The following STX7 variants were observed in gnomAD, a reference collection of about 807,000 sequenced individuals.
STX7 encodes syntaxin 7, also known as syntaxin-7.
STX7 carries 34 observed loss-of-function variants against 39.6 expected under a neutral mutation model. That is an observed-to-expected ratio of 0.86 (90% confidence interval 0.65 to 1.14). The LOEUF (loss-of-function observed/expected upper bound fraction) is 1.14, where lower values mean the gene tolerates loss of function less well. Ranked by LOEUF, STX7 falls within the 50% of genes most tolerant of loss-of-function variation. The pLI is 0.00. For synonymous variants in STX7, 119 were observed against 99.1 expected, an observed-to-expected ratio of 1.20 and a Z score of -1.19; for missense variants, 284 against 310.4, an observed-to-expected ratio of 0.92 and a Z score of 0.64.
chr6:132,494,747 T>C (rs1300683071), intron 2 of STX7, among the ~76,000 whole-genome samples: 1 of 152,202 alleles, frequency 6.6e-6, no homozygotes, highest in African/African-American at 2.4e-5. Flanking sequence ...TTGTGGGGCA[T>C]GGTGGGGATT....
rs755786190 is a variant in STX7, at chr6:132,464,003, G to A, written c.683C>T (p.Ala228Val). The A allele has an allele frequency of 1.2e-6, 2 of 1,614,016 alleles. No individual in the cohort carries two copies. Among genetic ancestry groups the A allele is most frequent in the South Asian group, 1.1e-5 (1 of 91,074 alleles). Residue 228 changes from alanine (A) to valine (V), a missense_variant, in exon 9 of 10, where the codon GCA becomes GTA. Transcript: ENST00000367941. ...QQANQQLSRA[A>V]DYQRKSRKTL... ...TCACAGTTAAATTACCTGATAATCTGCTGCCCTTGACAGCTGCTGATTTGC... is the reference window on the plus strand; with the variant it reads ...TCACAGTTAAATTACCTGATAATCTACTGCCCTTGACAGCTGCTGATTTGC...
At position 132,475,606 on chromosome 6, in the gene STX7, A is replaced by G. The variant is rs767103601; in HGVS notation, c.142T>C (p.Leu48=). 4.7e-5 allele frequency: 76 copies of G among 1,606,830 alleles called. No individual in the cohort carries two copies. The Middle Eastern group carries it at 1.2e-3, about 25-fold the overall frequency. ...CTAGATACTTACAACTGTTGCCTCA[A>G]TTCAGGTGAATCTTGAGGTGTTCCA... is the stretch of plus-strand genomic sequence containing the variant. The part of the protein sequence containing the change: ...QLGTPQDSPE[L]RQQLQQKQQY... The change falls in exon 3 of 10, where the codon TTG becomes CTG. Residue 48 remains leucine (L), a synonymous_variant. Transcript: ENST00000367941.
At chr6:132,491,168 G>A (rs1206083518) in intron 2 of STX7, among the ~76,000 whole-genome samples, 2 of 151,904 alleles carry the variant, frequency 1.3e-5, no homozygotes, top group Non-Finnish European at 2.9e-5. Context: ...TTTAAAATGT[G>A]GAAAAGAACA....
In STX7 at chr6:132,448,884, A is replaced by G. The variant is rs1774079768; in HGVS notation, c.*11874T>C. ...AGGTCTGTCAATTCGTTATTCCTTT[A>G]AAAGTGGATAAGTTATTCTGGCTGC... On this transcript the variant is annotated 3_prime_UTR_variant, in exon 10 of 10. Coordinates refer to ENST00000367941, the MANE Select transcript of STX7 (RefSeq NM_003569.3). 1 of 149,802 alleles carries G rather than the reference A, an allele frequency of 6.7e-6. No homozygotes were observed. The highest frequency in any genetic ancestry group is 1.5e-5 in the Non-Finnish European group (1 of 67,622). 9.3% of individuals were successfully genotyped at this position (149,802 alleles called of 1,614,324 possible).
chr6:132,485,690 T>A (rs1582666328), intron 2 of STX7, among the ~76,000 whole-genome samples: 1 of 152,204 alleles, frequency 6.6e-6, no homozygotes, highest in South Asian at 2.1e-4. Flanking sequence ...GCTCCGTCTT[T>A]TAAATTTTGC....
chr6:132,509,598 A>G (rs1288007185), intron 1 of STX7, among the ~76,000 whole-genome samples: 1 of 152,180 alleles, frequency 6.6e-6, no homozygotes, highest in Non-Finnish European at 1.5e-5. Flanking sequence ...CACTCCTAAG[A>G]TGAAGGAATA....
Position 132,475,666 on chromosome 6 carries a change from T to G in STX7, c.86-4A>C. ...AGAGTTCTTTGTATTTCCACAGCTA[T>G]TATAATAGAAAATTCATGTATTAAT... On this transcript the variant is annotated splice_region_variant and splice_polypyrimidine_tract_variant and intron_variant, in intron 2 of 9. Transcript: ENST00000367941. 1 of 1,591,752 alleles carries G rather than the reference T, an allele frequency of 6.3e-7. No individual in the cohort carries two copies. The highest frequency in any genetic ancestry group is 1.2e-5 in the South Asian group (1 of 86,884).
intron 2 of STX7, among the ~76,000 whole-genome samples, chr6:132,494,489 G>A (rs1267923628): frequency 6.6e-6 from 1 of 152,178 alleles, no homozygotes; most frequent in Non-Finnish European, 1.5e-5. Context: ...ATAAGGCAGG[G>A]AAGACATTGC....
In STX7 at chr6:132,447,546, A is replaced by G. The variant is rs1241725028; in HGVS notation, c.*13212T>C. 1 of 144,772 alleles carries G rather than the reference A, an allele frequency of 6.9e-6. No individual in the cohort carries two copies. Among genetic ancestry groups the G allele is most frequent in the East Asian group, 2.3e-4 (1 of 4,266 alleles). 9.0% of individuals were successfully genotyped at this position (144,772 alleles called of 1,614,324 possible). Reference sequence around the variant, plus strand: ...CTAAAAATTGAGTGACTTCAAATACAACATAATAGTTTTTTTTTCCGTTTT... The same window carrying G: ...CTAAAAATTGAGTGACTTCAAATACGACATAATAGTTTTTTTTTCCGTTTT... On this transcript the variant is annotated 3_prime_UTR_variant, in exon 10 of 10. Transcript: ENST00000367941.
intron 1 of STX7, among the ~76,000 whole-genome samples, chr6:132,505,247 G>A (rs1267313881): frequency 2.6e-5 from 4 of 152,206 alleles, no homozygotes; most frequent in African/African-American, 9.7e-5. Context: ...GGCTATCCAT[G>A]CTTGCTACCA....
At chr6:132,496,751 G>A (rs1028738842) in intron 2 of STX7, among the ~76,000 whole-genome samples, 4 of 152,140 alleles carry the variant, frequency 2.6e-5, no homozygotes, top group Non-Finnish European at 2.9e-5. Context: ...CTTACTCAAG[G>A]TCACACCGCT....
rs1223246857 is a variant in STX7 at position 132,446,720 on chromosome 6, A to AGAGCAGCACATTCC, written c.*14024_*14037dup. The AGAGCAGCACATTCC allele has an allele frequency of 1.3e-5, 2 of 152,212 alleles. No homozygotes were observed. The highest frequency in any genetic ancestry group is 2.9e-5 in the Non-Finnish European group (2 of 68,022). The allele number at this position is 152,212 out of a possible 1,614,324, so 9.4% of individuals were successfully genotyped here. A position where few individuals can be genotyped will look rare whatever the true frequency, so the allele number is the denominator to read the frequency against. ...AACATGAGCATCTGGCTGCACATAC[A>AGAGCAGCACATTCC]GAGCAGCACATTCCACACACTGCCC... On this transcript the variant is annotated 3_prime_UTR_variant, in exon 10 of 10. Transcript: ENST00000367941.
intron 3 of STX7, 142 bp downstream of exon 3, chr6:132,475,451 G>A (rs1774849817): frequency 4.2e-6 from 2 of 481,874 alleles, no homozygotes; most frequent in African/African-American, 4.0e-5. Flanking sequence ...TGGTACAAAT[G>A]TATGGATAAG....
chr6:132,478,904 C>T (rs1774943873), intron 2 of STX7, among the ~76,000 whole-genome samples: 2 of 152,210 alleles, frequency 1.3e-5, no homozygotes, highest in Admixed American at 1.3e-4. Context: ...TATCTTTGTA[C>T]TACAATTTCG....
intron 2 of STX7, among the ~76,000 whole-genome samples, chr6:132,488,367 A>C (rs544036387): frequency 9.9e-5 from 15 of 152,198 alleles, no homozygotes; most frequent in Non-Finnish European, 1.9e-4. Flanking sequence ...GCTGTTGTTG[A>C]ATAGACTGTT....
At chr6:132,489,805 GGTTC>G (rs1228183622) in intron 2 of STX7, among the ~76,000 whole-genome samples, 2 of 152,088 alleles carry the variant, frequency 1.3e-5, no homozygotes, top group East Asian at 3.8e-4. Context: ...CTTTGTCATT[GGTTC>G]TCTTCCCGGA....
intron 7 of STX7, among the ~76,000 whole-genome samples, chr6:132,468,790 A>G (rs1265355167): frequency 1.3e-5 from 2 of 152,258 alleles, no homozygotes; most frequent in African/African-American, 4.8e-5. Flanking sequence ...TTCATTTTAT[A>G]CAACCTGATA....
chr6:132,513,343 T>C (rs1285098793), upstream of STX7: 1 of 152,298 alleles, frequency 6.6e-6, no homozygotes, highest in Non-Finnish European at 1.5e-5. Context: ...GTCTTCTTTA[T>C]CTGGTGAAGC....
At position 132,446,374 on chromosome 6, in the gene STX7, A is replaced by C. The variant is rs1236658773; in HGVS notation, c.*14384T>G. On this transcript the variant is annotated 3_prime_UTR_variant, in exon 10 of 10. Coordinates refer to ENST00000367941, the MANE Select transcript of STX7 (RefSeq NM_003569.3). ...AAAACTGTCAATTGAAAAAAGTTTG[A>C]AAGAAACCTTTTATACAATGTTTTC... is the stretch of plus-strand genomic sequence containing the variant. 1 of 152,180 alleles carries C rather than the reference A, an allele frequency of 6.6e-6. No individual in the cohort carries two copies. The highest frequency in any genetic ancestry group is 1.5e-5 in the Non-Finnish European group (1 of 68,016). The allele number at this position is 152,180 out of a possible 1,614,324, so 9.4% of individuals were successfully genotyped here. A position where few individuals can be genotyped will look rare whatever the true frequency, so the allele number is the denominator to read the frequency against.
Sources: allele counts gnomAD v4.1 joint callset (sites outside exome capture counted in the v4.1 genomes callset), GRCh38; gene constraint gnomAD v4.1.1; transcripts MANE v1.5; gene names NCBI Gene and HGNC (gene_info 2026-07-23, HGNC 2026-07-21).